Variants in PID1 observed in about 807,000 individuals in gnomAD.
PID1 encodes the protein PTB-containing, cubilin and LRP1-interacting protein.
Under a neutral mutation model 19.1 loss-of-function variants are expected in PID1, and 10 were observed. The ratio of observed to expected loss-of-function variants is 0.52; its 90% CI spans 0.32 to 0.89. PID1 has a LOEUF of 0.89. PID1 is among the 40% of genes least tolerant of loss of function. PID1 has a pLI of 0.03. For missense variants in PID1, 248 were observed against 285.3 expected (o/e 0.87, Z 0.94); for synonymous variants, 130 against 116.0 (o/e 1.12, Z -0.78).
At chr2:229,056,487 C>T (rs1694102764) in intron 2 of PID1, among the ~76,000 whole-genome samples, 1 of 151,906 alleles carries the variant, frequency 6.6e-6, no homozygotes, top group Admixed American at 6.6e-5. Context: ...GAAACTAAAC[C>T]CTAACATGCT....
At chr2:229,033,092 C>T (rs906162984) in intron 2 of PID1, among the ~76,000 whole-genome samples, 2 of 152,150 alleles carry the variant, frequency 1.3e-5, no homozygotes, top group East Asian at 1.9e-4. Context: ...TTGAGCAGTA[C>T]CATTTGTTTC....
chr2:229,031,215 C>CAAAAAAAA lies in PID1; in HGVS notation c.178-5115_178-5108dup, dbSNP rs3083804. ...TGGGCAGCATAACGAGACTCTGTCTCAAAAAAAAAAAAAAAAAAGAAATAT... is the reference window on the plus strand; with the variant it reads ...TGGGCAGCATAACGAGACTCTGTCTCAAAAAAAAAAAAAAAAAAAAAAAAAAGAAATAT... On this transcript the variant is annotated intron_variant, in intron 2 of 2. Coordinates refer to ENST00000392055, the MANE Select transcript of PID1 (RefSeq NM_001100818.2). 2.6e-3 allele frequency among the ~76,000 whole-genome samples: 179 copies of CAAAAAAAA among 68,358 alleles called. 11 individuals are homozygous for CAAAAAAAA. The highest frequency in any genetic ancestry group is 2.9e-3 in the African/African-American group (45 of 15,676). The allele number at this position is 68,358 out of a possible 152,430, so 44.8% of individuals were successfully genotyped here.
At chr2:229,146,799 T>C (rs1690144690) in intron 2 of PID1, among the ~76,000 whole-genome samples, 1 of 151,958 alleles carries the variant, frequency 6.6e-6, no homozygotes, top group Admixed American at 6.6e-5. Context: ...GAGGGAGGTT[T>C]GATAGAGACA....
At chr2:229,035,664 A>T (rs561053435) in intron 2 of PID1, among the ~76,000 whole-genome samples, 3 of 152,142 alleles carry the variant, frequency 2.0e-5, no homozygotes, top group African/African-American at 7.2e-5. Context: ...CAAGTCCTCC[A>T]CCACAAAACA....
intron 1 of PID1, among the ~76,000 whole-genome samples, chr2:229,157,650 T>G (rs990469855): frequency 2.0e-5 from 3 of 152,086 alleles, no homozygotes; most frequent in African/African-American, 7.2e-5. Context: ...TCAAAGTGAG[T>G]ACAAGGTAAG....
intron 1 of PID1, among the ~76,000 whole-genome samples, chr2:229,239,451 A>AC: frequency 6.6e-6 from 1 of 152,118 alleles, no homozygotes; most frequent in African/African-American, 2.4e-5. Context: ...ACAAAGCCGA[A>AC]CCCCCCGTGT....
intron 2 of PID1, among the ~76,000 whole-genome samples, chr2:229,072,594 GAA>G (rs71043088): frequency 0.039 from 5,262 of 136,262 alleles, 310 homozygotes; most frequent in African/African-American, 0.13. Context: ...TCTCAAAAAA[GAA>G]AAAAAAAAAA....
intron 2 of PID1, among the ~76,000 whole-genome samples, chr2:229,031,545 G>A (rs1178853254): frequency 1.3e-5 from 2 of 151,938 alleles, no homozygotes; most frequent in Admixed American, 6.6e-5. Context: ...GAAACAGAGT[G>A]TGACCTTGTC....
chr2:229,138,081 G>C (rs1350898388), intron 2 of PID1, among the ~76,000 whole-genome samples: 1 of 152,128 alleles, frequency 6.6e-6, no homozygotes, highest in Non-Finnish European at 1.5e-5. Flanking sequence ...CACATTCCTA[G>C]AGAAAGGCAA....
chr2:229,063,676 T>C (rs1694260395), intron 2 of PID1, among the ~76,000 whole-genome samples: 1 of 152,132 alleles, frequency 6.6e-6, no homozygotes, highest in African/African-American at 2.4e-5. Flanking sequence ...ACTGTTTCCC[T>C]GTTGATTTTC....
chr2:229,232,424 T>C (rs1574743874), intron 1 of PID1, among the ~76,000 whole-genome samples: 1 of 64,556 alleles, frequency 1.5e-5, no homozygotes, highest in Admixed American at 3.0e-4. Flanking sequence ...AAAGCAAGAC[T>C]CCATCTCAAA....
At chr2:229,262,692 G>A in intron 1 of PID1, 1 of 1,551,346 alleles carries the variant, frequency 6.4e-7, no homozygotes, top group African/African-American at 1.4e-5. Flanking sequence ...CCATTTCGGA[G>A]GCTGGAAGTC....
chr2:229,204,973 G>A (rs1285935089), intron 1 of PID1, among the ~76,000 whole-genome samples: 3 of 152,074 alleles, frequency 2.0e-5, no homozygotes, highest in Non-Finnish European at 4.4e-5. Context: ...ACGTTATTAA[G>A]ACCTTTTGGA....
chr2:229,242,675 A>G (rs1158222714), intron 1 of PID1, among the ~76,000 whole-genome samples: 1 of 152,110 alleles, frequency 6.6e-6, no homozygotes, highest in Non-Finnish European at 1.5e-5. Context: ...CCTCCTTAAA[A>G]CATTTCCCTG....
At chr2:229,177,407 A>T (rs1690845890) in intron 1 of PID1, among the ~76,000 whole-genome samples, 1 of 152,234 alleles carries the variant, frequency 6.6e-6, no homozygotes, top group Admixed American at 6.5e-5. Flanking sequence ...CTTCAAAGTT[A>T]GCCATAATTG....
chr2:229,253,121 C>T (rs1374741377), intron 1 of PID1, among the ~76,000 whole-genome samples: 3 of 152,144 alleles, frequency 2.0e-5, no homozygotes, highest in Non-Finnish European at 2.9e-5. Context: ...ACTTACAGAG[C>T]CATTCACATT....
intron 2 of PID1, among the ~76,000 whole-genome samples, chr2:229,100,719 G>T (rs766707910): frequency 6.6e-6 from 1 of 152,140 alleles, no homozygotes; most frequent in African/African-American, 2.4e-5. Flanking sequence ...CTTGTGCTCA[G>T]ATAAAATCCA....
chr2:229,045,815 C>A (rs897665242), intron 2 of PID1, among the ~76,000 whole-genome samples: 4 of 152,212 alleles, frequency 2.6e-5, no homozygotes, highest in Admixed American at 2.0e-4. Flanking sequence ...CCCTTCTGGG[C>A]CACTCCCACA....
At chr2:229,220,175 A>T (rs1241147537) in intron 1 of PID1, among the ~76,000 whole-genome samples, 2 of 152,014 alleles carry the variant, frequency 1.3e-5, no homozygotes, top group Non-Finnish European at 2.9e-5. Context: ...ACACTCCACC[A>T]TGCCCATCTA....
Sources: gnomAD v4.1 joint callset for allele counts (sites outside exome capture counted in the v4.1 genomes callset) on GRCh38, gnomAD v4.1.1 for gene constraint, MANE v1.5 for transcripts, NCBI Gene and HGNC (gene_info 2026-07-23, HGNC 2026-07-21) for gene names.